MEGF6: variants seen among roughly 807,000 people sequenced by gnomAD.
MEGF6 encodes the protein multiple EGF like domains 6.
MEGF6 carries 184 observed loss-of-function variants against 207.1 expected under a neutral mutation model. The ratio of observed to expected loss-of-function variants is 0.89; its 90% CI spans 0.79 to 1.00. The LOEUF (loss-of-function observed/expected upper bound fraction) is 1.00, where lower values mean the gene tolerates loss of function less well. MEGF6 is among the 50% of genes least tolerant of loss of function. The pLI, the probability that MEGF6 is intolerant of heterozygous loss-of-function variation, is 0.00. For synonymous variants in MEGF6, 1,038 were observed against 910.0 expected (o/e 1.14, Z -2.53); for missense variants, 2,282 against 2,202.9 (o/e 1.04, Z -0.72).
At chr1:3,609,871 G>A (rs949562256) in intron 1 of MEGF6, among the ~76,000 whole-genome samples, 1 of 152,194 alleles carries the variant, frequency 6.6e-6, no homozygotes, top group Non-Finnish European at 1.5e-5. Flanking sequence ...AGGGACATCC[G>A]AGCAGAGACA....
chr1:3,568,857 G>A lies in MEGF6; in HGVS notation c.481+10968C>T, dbSNP rs189701441. ...ACACAGCCTGAACCCACAAGGGCCT[G>A]CAGAGCGTGTTCACAGGGTGCAGGT... On this transcript the variant is annotated intron_variant, in intron 4 of 36. Transcript: ENST00000356575. Among the ~76,000 whole-genome samples the A allele has an allele frequency of 2.1e-4, 32 of 152,306 alleles. No individual in the cohort carries two copies. In the East Asian group the frequency reaches 5.2e-3, roughly 25 times the overall value.
At position 3,552,380 on chromosome 1, in the gene MEGF6, G is replaced by A. The variant is rs151241978; in HGVS notation, c.481+27445C>T. Among the ~76,000 whole-genome samples the A allele has an allele frequency of 1.5e-3, 223 of 152,358 alleles. 2 individuals carry two copies. The highest frequency in any genetic ancestry group is 5.2e-3 in the African/African-American group (216 of 41,588). On this transcript the variant is annotated intron_variant, in intron 4 of 36. Transcript: ENST00000356575. ...GGAGGGCAACAGGACTGGGGTCTAG[G>A]ACAGAGCCAAGAAAGCGCTGAGGCA...
At chr1:3,525,692 G>C (rs1641934913) in intron 4 of MEGF6, among the ~76,000 whole-genome samples, 1 of 152,254 alleles carries the variant, frequency 6.6e-6, no homozygotes, top group Admixed American at 6.5e-5. Context: ...TGCACCATGA[G>C]CTGAGAGCCG....
upstream of MEGF6, among the ~76,000 whole-genome samples, chr1:3,614,395 C>G (rs573481328): frequency 6.6e-6 from 1 of 152,230 alleles, no homozygotes; most frequent in African/African-American, 2.4e-5. Context: ...AGGCATCAGC[C>G]TGGCGTGTGT....
At chr1:3,518,180 T>C (rs1641614941) in intron 5 of MEGF6, among the ~76,000 whole-genome samples, 1 of 152,206 alleles carries the variant, frequency 6.6e-6, no homozygotes, top group African/African-American at 2.4e-5. Flanking sequence ...AGATAGGGTC[T>C]CTGAGAGGGA....
At chr1:3,511,490 C>G in intron 9 of MEGF6, 60 bp downstream of exon 9, 1 of 1,546,338 alleles carries the variant, frequency 6.5e-7, no homozygotes, top group Non-Finnish European at 8.8e-7. Context: ...GATCCCAGAC[C>G]CAGGGCAGCA....
upstream of MEGF6, among the ~76,000 whole-genome samples, chr1:3,614,787 G>A (rs186211514): frequency 3.5e-4 from 53 of 152,274 alleles, no homozygotes; most frequent in African/African-American, 1.2e-3. Flanking sequence ...GCTGTCCGCC[G>A]TGAAGGAGGA....
At chr1:3,607,694 C>G (rs1219598031) in intron 1 of MEGF6, among the ~76,000 whole-genome samples, 1 of 152,250 alleles carries the variant, frequency 6.6e-6, no homozygotes, top group African/African-American at 2.4e-5. Context: ...GGACCAGAGT[C>G]CCAGGCCTTT....
At chr1:3,570,541 G>A (rs1456841531) in intron 4 of MEGF6, among the ~76,000 whole-genome samples, 1 of 152,254 alleles carries the variant, frequency 6.6e-6, no homozygotes, top group Non-Finnish European at 1.5e-5. Context: ...CAGACAGGGT[G>A]AGAGTCAAGG....
chr1:3,511,956 CAGCATGG>C, intron 8 of MEGF6, 43 bp downstream of exon 8: 1 of 1,610,078 alleles, frequency 6.2e-7, no homozygotes, highest in South Asian at 1.1e-5. Context: ...TCCTGGGGAG[CAGCATGG>C]CCATCCCGGG....
intron 5 of MEGF6, among the ~76,000 whole-genome samples, chr1:3,516,621 T>C (rs1641550363): frequency 6.6e-6 from 1 of 152,184 alleles, no homozygotes; most frequent in Admixed American, 6.5e-5. Context: ...CGTCTACTGT[T>C]GCTGCATAGC....
intron 3 of MEGF6, among the ~76,000 whole-genome samples, chr1:3,581,569 G>A (rs1470180740): frequency 6.6e-6 from 1 of 152,212 alleles, no homozygotes; most frequent in Non-Finnish European, 1.5e-5. Context: ...GATGCCTGCT[G>A]ACTTGTGCAA....
At chr1:3,591,434 G>T (rs1643976020) in intron 3 of MEGF6, among the ~76,000 whole-genome samples, 2 of 152,154 alleles carry the variant, frequency 1.3e-5, no homozygotes, top group African/African-American at 4.8e-5. Flanking sequence ...GTCACCACAG[G>T]CCAAGCAGAC....
intron 4 of MEGF6, among the ~76,000 whole-genome samples, chr1:3,577,153 G>A (rs749421843): frequency 1.6e-4 from 24 of 152,178 alleles, no homozygotes; most frequent in African/African-American, 2.2e-4. Context: ...CCCTTCTTCC[G>A]AGAGAGTGAC....
intron 4 of MEGF6, among the ~76,000 whole-genome samples, chr1:3,540,920 A>G (rs965353425): frequency 1.3e-5 from 2 of 152,214 alleles, no homozygotes; most frequent in East Asian, 1.9e-4. Flanking sequence ...TGGAATACCC[A>G]CTAAGGGCTG....
chr1:3,537,631 C>T (rs534275337), intron 4 of MEGF6, among the ~76,000 whole-genome samples: 10 of 152,228 alleles, frequency 6.6e-5, no homozygotes, highest in African/African-American at 9.6e-5. Flanking sequence ...CGGGAGAAGG[C>T]GGGTGTGGCC....
chr1:3,494,806 GT>G, intron 30 of MEGF6, 65 bp from the exon 31 acceptor site: 1 of 1,471,120 alleles, frequency 6.8e-7, no homozygotes, highest in South Asian at 1.4e-5. Flanking sequence ...CTGGGGATAT[GT>G]CCCCACAGGC....
At chr1:3,570,780 GC>G (rs1398082877) in intron 4 of MEGF6, among the ~76,000 whole-genome samples, 1 of 152,186 alleles carries the variant, frequency 6.6e-6, no homozygotes, top group Non-Finnish European at 1.5e-5. Context: ...AAATCATCCT[GC>G]CCCCTCCACC....
intron 1 of MEGF6, among the ~76,000 whole-genome samples, chr1:3,608,013 T>C (rs1303834374): frequency 6.6e-6 from 1 of 150,434 alleles, no homozygotes; most frequent in South Asian, 2.2e-4. Context: ...AACAAACCCC[T>C]GTGGGCGGCG....
Sources: gnomAD v4.1 joint callset for allele counts (sites outside exome capture counted in the v4.1 genomes callset) on GRCh38, gnomAD v4.1.1 for gene constraint, MANE v1.5 for transcripts, NCBI Gene and HGNC (gene_info 2026-07-23, HGNC 2026-07-21) for gene names.